Variants in CADM2 observed in about 807,000 individuals in gnomAD.
CADM2 encodes cell adhesion molecule 2, also known as immunoglobulin superfamily member 4D.
CADM2 carries 12 observed loss-of-function variants against 49.8 expected under a neutral mutation model. That is an observed-to-expected ratio of 0.24 (90% confidence interval 0.15 to 0.39). CADM2 has a LOEUF of 0.39. CADM2 is among the 10% of genes least tolerant of loss of function. CADM2 has a pLI of 1.00. For missense variants in CADM2, 378 were observed against 492.3 expected (o/e 0.77, Z 2.20); for synonymous variants, 214 against 175.4 (o/e 1.22, Z -1.74).
rs57606781 is a variant in CADM2, at chr3:86,055,451, CTTTTTTTTTTT to C, written c.971-10136_971-10126del. ...AGCAATGCAACTCTGGGCATCCCCTCTTTTTTTTTTTTTTTTTTTTTTTTTTTTGGTTTTAG... is the reference window on the plus strand; with the variant it reads ...AGCAATGCAACTCTGGGCATCCCCTCTTTTTTTTTTTTTTTTTGGTTTTAG... On this transcript the variant is annotated intron_variant, in intron 8 of 9. Transcript: ENST00000383699. 8.0e-4 allele frequency among the ~76,000 whole-genome samples: 70 copies of C among 87,480 alleles called. 1 individual carries two copies. The highest frequency in any genetic ancestry group is 2.4e-3 in the African/African-American group (56 of 23,516). The allele number at this position is 87,480 out of a possible 152,430, so 57.4% of individuals were successfully genotyped here.
intron 1 of CADM2, among the ~76,000 whole-genome samples, chr3:85,356,511 A>C (rs774845706): frequency 6.6e-6 from 1 of 152,118 alleles, no homozygotes; most frequent in Non-Finnish European, 1.5e-5. Flanking sequence ...AGTGGAAGCC[A>C]GATTTTAAGT....
intron 1 of CADM2, among the ~76,000 whole-genome samples, chr3:85,564,554 G>T (rs1339233303): frequency 6.6e-6 from 1 of 152,016 alleles, no homozygotes; most frequent in Non-Finnish European, 1.5e-5. Context: ...ACACTTTAAT[G>T]ATACGATTTA....
intron 3 of CADM2, among the ~76,000 whole-genome samples, chr3:85,841,295 G>A (rs1253010534): frequency 6.6e-6 from 1 of 151,814 alleles, no homozygotes; most frequent in Admixed American, 6.6e-5. Context: ...GGGAGGTAGA[G>A]GAGTAGTGTA....
At chr3:85,144,117 A>G (rs1395694883) in intron 1 of CADM2, among the ~76,000 whole-genome samples, 2 of 151,926 alleles carry the variant, frequency 1.3e-5, no homozygotes, top group Non-Finnish European at 2.9e-5. Context: ...GTAGGCTCTT[A>G]CTCAAAACTA....
Position 84,982,702 on chromosome 3 carries a change from CATATATATATAT to C in CADM2, c.61+23056_61+23067del, listed in dbSNP as rs71104999. Among the ~76,000 whole-genome samples the C allele has an allele frequency of 1.3e-3, 99 of 76,312 alleles. 1 individual carries two copies. Among genetic ancestry groups the C allele is most frequent in the South Asian group, 1.7e-3 (3 of 1,740 alleles). The allele number at this position is 76,312 out of a possible 152,430, so 50.1% of individuals were successfully genotyped here. A position where few individuals can be genotyped will look rare whatever the true frequency, so the allele number is the denominator to read the frequency against. ...GACATATAGATTGAAAACTATAAAG[CATATATATATAT>C]ATATATATATATATATATATACATT... On this transcript the variant is annotated intron_variant, in intron 1 of 9. Coordinates refer to ENST00000383699, the MANE Select transcript of CADM2 (RefSeq NM_001167675.2).
intron 1 of CADM2, among the ~76,000 whole-genome samples, chr3:85,207,025 G>A (rs972505291): frequency 2.7e-5 from 4 of 150,874 alleles, no homozygotes; most frequent in African/African-American, 9.8e-5. Flanking sequence ...CTACTAGGCA[G>A]AATCAGTTAC....
At chr3:85,408,278 C>A (rs2035494075) in intron 1 of CADM2, among the ~76,000 whole-genome samples, 1 of 152,034 alleles carries the variant, frequency 6.6e-6, no homozygotes, top group Admixed American at 6.6e-5. Context: ...TGTGGACTTA[C>A]ATGTACATAG....
At chr3:85,415,537 A>G (rs939298338) in intron 1 of CADM2, among the ~76,000 whole-genome samples, 2 of 152,214 alleles carry the variant, frequency 1.3e-5, no homozygotes, top group African/African-American at 2.4e-5. Flanking sequence ...AGTTGATAAA[A>G]AACAACTGTT....
Position 84,997,408 on chromosome 3 carries a change from A to T in CADM2, c.61+37740A>T, listed in dbSNP as rs113415927. ...AGTTTATGTATTACTTGAATTATTC[A>T]TAGAAAGAATTATGTTTCCTTTTGA... On this transcript the variant is annotated intron_variant, in intron 1 of 9. Coordinates refer to ENST00000383699, the MANE Select transcript of CADM2 (RefSeq NM_001167675.2). Among the ~76,000 whole-genome samples, 127 of 152,174 alleles carry T rather than the reference A, an allele frequency of 8.3e-4. No individual in the cohort carries two copies. The Middle Eastern group carries it at 0.017, about 21-fold the overall frequency.
At chr3:85,956,468 C>A (rs1724060280) in intron 7 of CADM2, among the ~76,000 whole-genome samples, 1 of 151,612 alleles carries the variant, frequency 6.6e-6, no homozygotes, top group African/African-American at 2.4e-5. Flanking sequence ...TTAATCTATG[C>A]ATAAACTCTA....
At chr3:85,002,182 T>A (rs2033496936) in intron 1 of CADM2, among the ~76,000 whole-genome samples, 1 of 152,118 alleles carries the variant, frequency 6.6e-6, no homozygotes, top group Non-Finnish European at 1.5e-5. Context: ...TTACTGTCGA[T>A]ATCAATTGTT....
chr3:85,495,712 CAGA>C (rs967935341), intron 1 of CADM2, among the ~76,000 whole-genome samples: 39 of 151,954 alleles, frequency 2.6e-4, no homozygotes, highest in Non-Finnish European at 4.6e-4. Flanking sequence ...GTCAATCAAG[CAGA>C]AGAATAGTGG....
intron 1 of CADM2, among the ~76,000 whole-genome samples, chr3:85,535,687 G>C (rs1232131805): frequency 6.6e-6 from 1 of 152,092 alleles, no homozygotes; most frequent in Non-Finnish European, 1.5e-5. Flanking sequence ...TCCCTGGTAG[G>C]ATGCCATATT....
intron 1 of CADM2, among the ~76,000 whole-genome samples, chr3:85,552,556 A>G (rs1261409185): frequency 1.3e-5 from 2 of 151,306 alleles, no homozygotes; most frequent in Non-Finnish European, 2.9e-5. Context: ...AATTTTTTGT[A>G]TGTTTAGTAG....
intron 1 of CADM2, among the ~76,000 whole-genome samples, chr3:85,678,944 G>A (rs544569343): frequency 6.6e-6 from 1 of 152,100 alleles, no homozygotes; most frequent in Admixed American, 6.6e-5. Context: ...TCATAGGGCA[G>A]CCCCCCACAG....
chr3:85,156,779 A>C (rs975971176), intron 1 of CADM2, among the ~76,000 whole-genome samples: 37 of 152,218 alleles, frequency 2.4e-4, no homozygotes, highest in Non-Finnish European at 1.5e-5. Context: ...AAACTGGCAC[A>C]AGACAGGGAT....
Position 85,254,635 on chromosome 3 carries a change from C to T in CADM2, c.61+294967C>T, listed in dbSNP as rs552619772. Among the ~76,000 whole-genome samples, 6 of 152,174 alleles carry T rather than the reference C, an allele frequency of 3.9e-5. No homozygotes were observed. The South Asian group carries it at 1.0e-3, about 26-fold the overall frequency. On this transcript the variant is annotated intron_variant, in intron 1 of 9. Coordinates refer to ENST00000383699, the MANE Select transcript of CADM2 (RefSeq NM_001167675.2). Reference sequence around the variant, plus strand: ...AAACCAAATATATATTGCAAAATGTCACAAATCTTCGTTCATGAATGTGAG... The same window carrying T: ...AAACCAAATATATATTGCAAAATGTTACAAATCTTCGTTCATGAATGTGAG...
At chr3:85,463,418 G>A (rs2038345171) in intron 1 of CADM2, among the ~76,000 whole-genome samples, 1 of 152,076 alleles carries the variant, frequency 6.6e-6, no homozygotes, top group African/African-American at 2.4e-5. Flanking sequence ...GCCTTTCAAG[G>A]AATGCATTTA....
chr3:85,849,585 T>C (rs1280675944), intron 3 of CADM2, among the ~76,000 whole-genome samples: 43 of 152,214 alleles, frequency 2.8e-4, no homozygotes, highest in Admixed American at 2.8e-3. Context: ...AGAAATAAAC[T>C]GTTAAAACAG....
Sources: gnomAD v4.1 joint callset for allele counts (sites outside exome capture counted in the v4.1 genomes callset) on GRCh38, gnomAD v4.1.1 for gene constraint, MANE v1.5 for transcripts, NCBI Gene and HGNC (gene_info 2026-07-23, HGNC 2026-07-21) for gene names.